Variants in GUCY1A1 observed in about 807,000 individuals in gnomAD.
The protein encoded by GUCY1A1 is guanylate cyclase soluble subunit alpha-1.
Under a neutral mutation model 64.5 loss-of-function variants are expected in GUCY1A1, and 48 were observed. The ratio of observed to expected loss-of-function variants is 0.74; its 90% CI spans 0.59 to 0.95. The LOEUF is 0.95. GUCY1A1 is among the 40% of genes least tolerant of loss of function. GUCY1A1 has a pLI of 0.00. For synonymous variants in GUCY1A1, 308 were observed against 303.4 expected, an observed-to-expected ratio of 1.02 and a Z score of -0.16; for missense variants, 804 against 825.3, an observed-to-expected ratio of 0.97 and a Z score of 0.32.
At chr4:155,683,576 A>G (rs2126631232) in intron 2 of GUCY1A1, among the ~76,000 whole-genome samples, 1 of 152,336 alleles carries the variant, frequency 6.6e-6, no homozygotes, top group East Asian at 1.9e-4. Flanking sequence ...ATAATGAGGA[A>G]AGTTATTTAG....
intron 2 of GUCY1A1, among the ~76,000 whole-genome samples, chr4:155,693,476 G>A (rs1349937881): frequency 6.6e-6 from 1 of 151,948 alleles, no homozygotes; most frequent in African/African-American, 2.4e-5. Context: ...ATCATCACTA[G>A]TTTACTTGAG....
intron 2 of GUCY1A1, among the ~76,000 whole-genome samples, chr4:155,679,890 A>G (rs1466956067): frequency 6.6e-6 from 1 of 152,184 alleles, no homozygotes; most frequent in Non-Finnish European, 1.5e-5. Context: ...TTGTAAACAC[A>G]ATTGTGGATC....
At chr4:155,721,944 A>G (rs1479894086) in intron 8 of GUCY1A1, 94 bp from the exon 9 acceptor site, 1 of 875,312 alleles carries the variant, frequency 1.1e-6, no homozygotes, top group African/African-American at 1.7e-5. Context: ...CTGAGGGTGA[A>G]TGGTAAAATA....
chr4:155,702,407 T>C (rs1021263175), intron 3 of GUCY1A1, among the ~76,000 whole-genome samples: 5 of 152,220 alleles, frequency 3.3e-5, no homozygotes, highest in Admixed American at 2.6e-4. Context: ...TCAAGCACCC[T>C]GGCTGATTTA....
intron 2 of GUCY1A1, among the ~76,000 whole-genome samples, chr4:155,686,842 G>A (rs1729057918): frequency 6.6e-6 from 1 of 152,140 alleles, no homozygotes; most frequent in African/African-American, 2.4e-5. Context: ...AATTAGACAT[G>A]CAACTTATTA....
chr4:155,696,057 G>A (rs748334395), intron 2 of GUCY1A1, among the ~76,000 whole-genome samples: 24 of 152,092 alleles, frequency 1.6e-4, no homozygotes, highest in Non-Finnish European at 3.2e-4. Flanking sequence ...TTGACTCACC[G>A]CAGTCTAGAT....
At chr4:155,718,182 C>A (rs893108425) in intron 8 of GUCY1A1, among the ~76,000 whole-genome samples, 3 of 152,102 alleles carry the variant, frequency 2.0e-5, no homozygotes, top group African/African-American at 7.2e-5. Flanking sequence ...ATAGGACAGT[C>A]CTCAGTTGAC....
At chr4:155,676,065 A>G (rs1734871328) in intron 2 of GUCY1A1, among the ~76,000 whole-genome samples, 1 of 151,480 alleles carries the variant, frequency 6.6e-6, no homozygotes, top group South Asian at 2.1e-4. Context: ...AGCACAATGA[A>G]GAGGTTGCCC....
At chr4:155,684,406 C>T (rs1264184313) in intron 2 of GUCY1A1, among the ~76,000 whole-genome samples, 2 of 152,086 alleles carry the variant, frequency 1.3e-5, no homozygotes, top group East Asian at 3.9e-4. Flanking sequence ...CTTTTGCTAA[C>T]CTGATTCCAG....
chr4:155,679,032 C>T (rs1735325368), intron 2 of GUCY1A1, among the ~76,000 whole-genome samples: 2 of 152,090 alleles, frequency 1.3e-5, no homozygotes, highest in Admixed American at 1.3e-4. Flanking sequence ...ACTGTATATT[C>T]TGAATTAAAC....
chr4:155,696,960 G>T lies in GUCY1A1; in HGVS notation c.93G>T (p.Glu31Asp), dbSNP rs747770377. 6.2e-6 allele frequency: 10 copies of T among 1,613,324 alleles called. No homozygotes were observed. In the Admixed American group the frequency reaches 1.5e-4, roughly 24 times the overall value. ...GTCAAGTTCCTAACGAGTCTTCAGA[G>T]GAGGCAGCAGGAAGCTCAGAGAGCT... ...APGQVPNESSEEAAGSSESCK... is the reference protein window; with the variant it reads ...APGQVPNESSDEAAGSSESCK... The change falls in exon 3 of 10, where the codon GAG (glutamate) becomes GAT (aspartate). Residue 31 changes from glutamate (E) to aspartate (D), a missense_variant. Glu to Asp is a conservative substitution (Grantham distance 45). Transcript: ENST00000506455.
Position 155,678,218 on chromosome 4 carries a change from T to C in GUCY1A1, c.-113+10799T>C, listed in dbSNP as rs577552498. Among the ~76,000 whole-genome samples the C allele has an allele frequency of 6.6e-5, 10 of 152,296 alleles. No homozygotes were observed. In the East Asian group the frequency reaches 1.7e-3, roughly 26 times the overall value. ...ACATGTCATGTAGTCTCTGGAGAAC[T>C]CTGCTGCAATCTGTGAGAGAATGAG... is the stretch of plus-strand genomic sequence containing the variant. On this transcript the variant is annotated intron_variant, in intron 2 of 9. Coordinates refer to ENST00000506455, the MANE Select transcript of GUCY1A1 (RefSeq NM_001130682.3).
At position 155,710,448 on chromosome 4, in the gene GUCY1A1, T is replaced by C. The variant is rs942622758; in HGVS notation, c.377-94T>C. 5 of 769,554 alleles carry C rather than the reference T, an allele frequency of 6.5e-6. No homozygotes were observed. In the African/African-American group the frequency reaches 8.7e-5, roughly 13 times the overall value. 47.7% of individuals were successfully genotyped at this position (769,554 alleles called of 1,614,324 possible). A position where few individuals can be genotyped will look rare whatever the true frequency, so the allele number is the denominator to read the frequency against. ...ATTAGCAGATATAAAGGGAGCTAAATCAGCAAATAACGCAAGTTGAAAATA... is the reference window on the plus strand; with the variant it reads ...ATTAGCAGATATAAAGGGAGCTAAACCAGCAAATAACGCAAGTTGAAAATA... On this transcript the variant is annotated intron_variant, in intron 5 of 9. Transcript: ENST00000506455.
chr4:155,713,451 C>A lies in GUCY1A1; in HGVS notation c.1440C>A (p.Val480=). The A allele has an allele frequency of 6.2e-7, 1 of 1,614,172 alleles. No individual in the cohort carries two copies. The highest frequency in any genetic ancestry group is 8.5e-7 in the Non-Finnish European group (1 of 1,180,024). The change falls in exon 7 of 10, where the codon GTC becomes GTA. Residue 480 remains valine (V), a synonymous_variant. Transcript: ENST00000506455. The part of the protein sequence containing the change: ...QVVQAKKFSN[V]TMLFSDIVGF... ...TGCAAGCCAAGAAGTTCAGTAATGT[C>A]ACCATGCTCTTCTCAGACATCGTTG... is the stretch of plus-strand genomic sequence containing the variant.
intron 3 of GUCY1A1, among the ~76,000 whole-genome samples, chr4:155,699,697 T>C (rs558255677): frequency 6.6e-6 from 1 of 152,348 alleles, no homozygotes; most frequent in Admixed American, 6.5e-5. Context: ...TGTTATGTTT[T>C]TTTACTGATT....
chr4:155,682,857 C>A (rs1156619321), intron 2 of GUCY1A1, among the ~76,000 whole-genome samples: 3 of 151,956 alleles, frequency 2.0e-5, no homozygotes, highest in Non-Finnish European at 4.4e-5. Context: ...AAATGTATTT[C>A]CAATAAGCAA....
intron 2 of GUCY1A1, among the ~76,000 whole-genome samples, chr4:155,679,103 T>C (rs1735336492): frequency 6.6e-6 from 1 of 152,222 alleles, no homozygotes; most frequent in Non-Finnish European, 1.5e-5. Flanking sequence ...TTTTTGTTTA[T>C]GTAATAATGT....
In GUCY1A1 at chr4:155,733,929, T is replaced by G. The variant is rs1735805950; in HGVS notation, c.*3698T>G. Among the ~76,000 whole-genome samples, 3 of 151,886 alleles carry G rather than the reference T, an allele frequency of 2.0e-5. No individual in the cohort carries two copies. Among genetic ancestry groups the G allele is most frequent in the Non-Finnish European group, 4.4e-5 (3 of 67,884 alleles). On this transcript the variant is annotated 3_prime_UTR_variant, in exon 10 of 10. Coordinates refer to ENST00000506455, the MANE Select transcript of GUCY1A1 (RefSeq NM_001130682.3). Reference sequence around the variant, plus strand: ...ATTTTATATCCTGGATATTTTACCATAAGTATGAGCATAAAGCTGGGATGT... The same window carrying G: ...ATTTTATATCCTGGATATTTTACCAGAAGTATGAGCATAAAGCTGGGATGT...
intron 3 of GUCY1A1, among the ~76,000 whole-genome samples, chr4:155,701,085 G>T (rs1227631852): frequency 6.6e-6 from 1 of 152,084 alleles, no homozygotes; most frequent in Non-Finnish European, 1.5e-5. Context: ...ATCACAGGAA[G>T]TACAGCACCA....
Sources: allele counts gnomAD v4.1 joint callset (sites outside exome capture counted in the v4.1 genomes callset), GRCh38; gene constraint gnomAD v4.1.1; transcripts MANE v1.5; gene names NCBI Gene and HGNC (gene_info 2026-07-23, HGNC 2026-07-21).